The following NEB variants were observed in gnomAD, a reference collection of about 807,000 sequenced individuals.
NEB encodes the protein nemaline myopathy type 2.
NEB carries 512 observed loss-of-function variants against 952.2 expected under a neutral mutation model. The observed-to-expected ratio is 0.54, with a 90% CI of 0.50 to 0.58. The LOEUF is 0.58. NEB is among the 20% of genes least tolerant of loss of function. NEB has a pLI of 0.00. For synonymous variants in NEB, 2,900 were observed against 3,149.8 expected, an observed-to-expected ratio of 0.92 and a Z score of 2.66; for missense variants, 8,428 against 9,231.1, an observed-to-expected ratio of 0.91 and a Z score of 3.56.
chr2:151,619,095 T>TC (rs2098312852), intron 73 of NEB, among the ~76,000 whole-genome samples: 1 of 152,184 alleles, frequency 6.6e-6, no homozygotes, highest in Non-Finnish European at 1.5e-5. Flanking sequence ...TCCCTCTATC[T>TC]CCCTACTGCC....
rs570638656 is a variant in NEB at position 151,655,840 on chromosome 2, G to C, written c.6679C>G (p.Gln2227Glu). 2 of 1,613,650 alleles carry C rather than the reference G, an allele frequency of 1.2e-6. No homozygotes were observed. Residue 2227 changes from glutamine to glutamate, a missense_variant, in exon 50 of 182, where the codon CAG becomes GAG. Gln to Glu is a conservative substitution (Grantham distance 29, BLOSUM62 2). Coordinates refer to ENST00000397345, the MANE Select transcript of NEB (RefSeq NM_001164508.2). ...ACCTTGTTCATGGTATGTGCATTCT[G>C]CTTGGCAAGCACCATGTCCATGGAA... ...TDSMDMVLAKQNAHTMNKHLY... is the reference protein window; with the variant it reads ...TDSMDMVLAKENAHTMNKHLY...
chr2:151,716,384 A>C (rs1339206977), intron 10 of NEB, among the ~76,000 whole-genome samples: 2 of 152,038 alleles, frequency 1.3e-5, no homozygotes, highest in African/African-American at 4.8e-5. Flanking sequence ...TGATCAACCC[A>C]CCTTGGCCTC....
intron 28 of NEB, 108 bp from the exon 29 acceptor site, chr2:151,682,877 C>T (rs2099431783): frequency 1.1e-6 from 1 of 899,188 alleles, no homozygotes; most frequent in Non-Finnish European, 1.7e-6. Context: ...GACCAGCTTC[C>T]TTACTCCAGA....
chr2:151,530,993 C>G lies in NEB; in HGVS notation c.21630+1G>C. The stretch of plus-strand genomic sequence containing the variant: ...GACTGCTAAACCATTCTAGTACTTA[C>G]ATCACTGACTTCATCTTTAACCTTG... On this transcript the variant is annotated splice_donor_variant, in intron 145 of 181. Coordinates refer to ENST00000397345, the MANE Select transcript of NEB (RefSeq NM_001164508.2). LOFTEE classifies it high-confidence loss of function. 6.2e-7 allele frequency: 1 copy of G among 1,602,738 alleles called. No homozygotes were observed. The highest frequency in any genetic ancestry group is 8.5e-7 in the Non-Finnish European group (1 of 1,170,492).
chr2:151,697,848 C>G (rs146743760), intron 13 of NEB, among the ~76,000 whole-genome samples, 200 bp from the exon 14 acceptor site: 4,066 of 152,234 alleles, frequency 0.027, 177 homozygotes, highest in East Asian at 0.16. Context: ...GGGCGGATCA[C>G]GAGGTCAGGA....
chr2:151,728,641 G>A (rs954088419), intron 4 of NEB, among the ~76,000 whole-genome samples: 1 of 152,092 alleles, frequency 6.6e-6, no homozygotes, highest in African/African-American at 2.4e-5. Flanking sequence ...GGCTGTAGTG[G>A]AAGACACTAA....
At chr2:151,656,771 C>T (rs1016288191) in intron 48 of NEB, among the ~76,000 whole-genome samples, 1 of 151,452 alleles carries the variant, frequency 6.6e-6, no homozygotes, top group Admixed American at 6.6e-5. Context: ...TGTGATGATG[C>T]ATCACACTGA....
At chr2:151,669,535 A>G (rs6712443) in intron 38 of NEB, among the ~76,000 whole-genome samples, 30,951 of 152,168 alleles carry the variant, frequency 0.2, 4,548 homozygotes, top group East Asian at 0.56. Context: ...TAACATTTAC[A>G]CTCAAACTTG....
At chr2:151,497,139 T>TC in intron 171 of NEB, 106 bp from the exon 172 acceptor site, 1 of 1,390,344 alleles carries the variant, frequency 7.2e-7, no homozygotes, top group Non-Finnish European at 9.8e-7. Context: ...AACACAGTTG[T>TC]CCAAGGAGCC....
At position 151,667,915 on chromosome 2, in the gene NEB, C is replaced by CA; in HGVS notation, c.4612-5dup. ...TCCAATCTGCTTTATAATGAGCCTT[C>CA]AAAAAAGTAGAGGTTATTTTATTAT... On this transcript the variant is annotated splice_region_variant and splice_polypyrimidine_tract_variant and intron_variant, in intron 39 of 181. Transcript: ENST00000397345. The CA allele has an allele frequency of 5.0e-6, 8 of 1,595,538 alleles. No homozygotes were observed. The highest frequency in any genetic ancestry group is 1.1e-5 in the South Asian group (1 of 88,232).
At chr2:151,694,045 A>T (rs2099577799) in intron 20 of NEB, among the ~76,000 whole-genome samples, 1 of 152,204 alleles carries the variant, frequency 6.6e-6, no homozygotes, top group Non-Finnish European at 1.5e-5. Context: ...CGTTTCTAGG[A>T]AAAATAATAA....
chr2:151,638,391 C>T (rs1219861515), intron 63 of NEB, among the ~76,000 whole-genome samples: 1 of 152,186 alleles, frequency 6.6e-6, no homozygotes, highest in Non-Finnish European at 1.5e-5. Flanking sequence ...GTGAGGAATG[C>T]CCCGCAGCTT....
At chr2:151,577,157 C>G (rs567919770) in intron 105 of NEB, among the ~76,000 whole-genome samples, 1 of 152,148 alleles carries the variant, frequency 6.6e-6, no homozygotes, top group Admixed American at 6.5e-5. Flanking sequence ...AATTCAAATC[C>G]GATGTCACAA....
At chr2:151,506,765 A>G (rs1225005284) in intron 163 of NEB, 144 bp downstream of exon 163, 7 of 623,254 alleles carry the variant, frequency 1.1e-5, no homozygotes, top group African/African-American at 1.9e-5. Flanking sequence ...GGAGCAAAGT[A>G]TTGGGGATTT....
chr2:151,569,950 A>T, intron 109 of NEB, 131 bp downstream of exon 109: 1 of 894,656 alleles, frequency 1.1e-6, no homozygotes, highest in Non-Finnish European at 1.7e-6. Flanking sequence ...CCATACTATA[A>T]GGTCTCACTA....
intron 70 of NEB, among the ~76,000 whole-genome samples, chr2:151,626,502 T>C (rs538368070): frequency 2.0e-5 from 3 of 152,138 alleles, no homozygotes; most frequent in Admixed American, 6.5e-5. Context: ...CTAACTCTTA[T>C]AGACTTCAAA....
At position 151,670,884 on chromosome 2, in the gene NEB, C is replaced by T. The variant is rs2099277579; in HGVS notation, c.4506+139G>A. ...AGATCCCAGTTGCCTCAAAAGGCAG[C>T]CCTTTCTCTCATACCTATGAAAGCA... On this transcript the variant is annotated intron_variant, in intron 38 of 181. Transcript: ENST00000397345. The T allele has an allele frequency of 2.6e-5, 22 of 857,148 alleles. No individual in the cohort carries two copies. The South Asian group carries it at 3.8e-4, about 15-fold the overall frequency. 53.1% of individuals were successfully genotyped at this position (857,148 alleles called of 1,614,324 possible). A position where few individuals can be genotyped will look rare whatever the true frequency, so the allele number is the denominator to read the frequency against.
intron 64 of NEB, among the ~76,000 whole-genome samples, chr2:151,635,213 A>G (rs910099441): frequency 2.0e-5 from 3 of 152,190 alleles, no homozygotes; most frequent in African/African-American, 7.2e-5. Context: ...CTTGGTTATT[A>G]TTATGTCATT....
Position 151,561,317 on chromosome 2 carries a change from GAAGA to G in NEB, c.18997-9_18997-6del. 6.4e-7 allele frequency: 1 copy of G among 1,574,728 alleles called. No homozygotes were observed. The highest frequency in any genetic ancestry group is 8.6e-7 in the Non-Finnish European group (1 of 1,157,770). ...ACCTGCTGCTGTATATTGTAGCTGT[GAAGA>G]AAAACAAAAGTCATCAAAAATGGTA... On this transcript the variant is annotated splice_polypyrimidine_tract_variant and splice_region_variant and intron_variant, in intron 121 of 181. Coordinates refer to ENST00000397345, the MANE Select transcript of NEB (RefSeq NM_001164508.2).
Sources: gnomAD v4.1 joint callset for allele counts (sites outside exome capture counted in the v4.1 genomes callset) on GRCh38, gnomAD v4.1.1 for gene constraint, MANE v1.5 for transcripts, NCBI Gene and HGNC (gene_info 2026-07-23, HGNC 2026-07-21) for gene names.